Variants in HDAC9 observed in about 807,000 individuals in gnomAD.
HDAC9 encodes MEF-2 interacting transcription repressor (MITR) protein.
A neutral mutation model predicts 139.4 loss-of-function variants in HDAC9; 41 were observed. The observed-to-expected ratio is 0.29, with a 90% CI of 0.23 to 0.38. The LOEUF (loss-of-function observed/expected upper bound fraction) is 0.38. Among genes scored for constraint, HDAC9 ranks in the 10% least tolerant of loss-of-function variants. The pLI, the probability that HDAC9 is intolerant of heterozygous loss-of-function variation, is 1.00. For missense variants in HDAC9, 1,147 were observed against 1,297.0 expected, an observed-to-expected ratio of 0.88 and a Z score of 1.78; for synonymous variants, 517 against 476.2, an observed-to-expected ratio of 1.09 and a Z score of -1.12.
At chr7:18,245,024 T>TCTATCTATC (rs201667335) in intron 2 of HDAC9, among the ~76,000 whole-genome samples, 1 of 151,968 alleles carries the variant, frequency 6.6e-6, no homozygotes, top group East Asian at 1.9e-4. Context: ...TATCTATCTA[T>TCTATCTATC]TGATGCATTC....
intron 1 of HDAC9, among the ~76,000 whole-genome samples, chr7:18,129,125 C>T (rs1158093524): frequency 6.6e-6 from 1 of 152,120 alleles, no homozygotes; most frequent in Non-Finnish European, 1.5e-5. Context: ...GTGTCTTCCT[C>T]TTACCTACTA....
intron 25 of HDAC9, 124 bp downstream of exon 25, chr7:18,976,077 A>G (rs1784530501): frequency 1.1e-6 from 1 of 904,512 alleles, no homozygotes; most frequent in African/African-American, 1.7e-5. Flanking sequence ...TGTCCTCTCC[A>G]AAGCCACAGA....
intron 14 of HDAC9, among the ~76,000 whole-genome samples, chr7:18,757,317 A>G (rs1788964630): frequency 6.6e-6 from 1 of 152,178 alleles, no homozygotes; most frequent in African/African-American, 2.4e-5. Context: ...GGGATATTTC[A>G]GTGGAAATTC....
intron 1 of HDAC9, among the ~76,000 whole-genome samples, chr7:18,304,837 A>T (rs1798805428): frequency 6.6e-6 from 1 of 152,158 alleles, no homozygotes; most frequent in Non-Finnish European, 1.5e-5. Context: ...GATCAGAAGG[A>T]TAGAACCCTC....
intron 1 of HDAC9, among the ~76,000 whole-genome samples, chr7:18,382,594 A>G (rs1455611911): frequency 1.3e-5 from 2 of 152,362 alleles, no homozygotes; most frequent in East Asian, 3.9e-4. Context: ...GTAGAGAAAG[A>G]CAATAAGGAA....
chr7:18,802,062 TTATTTTATTTGGGGGGAGGTCATA>T (rs1793344742), intron 17 of HDAC9, among the ~76,000 whole-genome samples: 1 of 151,750 alleles, frequency 6.6e-6, no homozygotes, highest in Non-Finnish European at 1.5e-5. Context: ...TTTTTATTAT[TTATTTTATTTGGGGGGAGGTCATA>T]TATTTCTTTT....
chr7:18,527,478 C>T (rs550733007), intron 2 of HDAC9, among the ~76,000 whole-genome samples: 2 of 152,064 alleles, frequency 1.3e-5, no homozygotes, highest in African/African-American at 2.4e-5. Flanking sequence ...AGTCACTGAA[C>T]GATATGTTGT....
At position 18,421,790 on chromosome 7, in the gene HDAC9, A is replaced by G. The variant is rs570843861; in HGVS notation, c.-41-74472A>G. 1.4e-4 allele frequency among the ~76,000 whole-genome samples: 21 copies of G among 152,314 alleles called. No homozygotes were observed. In the South Asian group the frequency reaches 4.1e-3, roughly 30 times the overall value. ...ACGTGATTAGACTCAGGGTGAATGC[A>G]CAAGATTAATGAGAGCCCTGAGTGA... On this transcript the variant is annotated intron_variant, in intron 1 of 3. Transcript: ENST00000413509.
chr7:18,884,407 A>G lies in HDAC9; in HGVS notation c.2803+9811A>G, dbSNP rs913518161. 7.9e-5 allele frequency among the ~76,000 whole-genome samples: 12 copies of G among 152,332 alleles called. No homozygotes were observed. In the East Asian group the frequency reaches 1.4e-3, roughly 17 times the overall value. ...GAAATAAATCCATACACCATGGTCA[A>G]TTGATCTTTGACAACGATGGCGAGA... On this transcript the variant is annotated intron_variant, in intron 22 of 25. Transcript: ENST00000686413.
chr7:18,295,305 C>T (rs572436135), intron 1 of HDAC9, among the ~76,000 whole-genome samples: 2 of 152,094 alleles, frequency 1.3e-5, no homozygotes, highest in African/African-American at 4.8e-5. Context: ...ATAGCATATT[C>T]AGGAGAAAGG....
chr7:18,626,666 C>T (rs900395500), intron 6 of HDAC9, among the ~76,000 whole-genome samples: 2 of 152,114 alleles, frequency 1.3e-5, no homozygotes, highest in African/African-American at 4.8e-5. Context: ...AGTTCTCATT[C>T]CTCTTCTGGT....
intron 1 of HDAC9, among the ~76,000 whole-genome samples, chr7:18,450,165 T>TA (rs2128101301): frequency 6.6e-6 from 1 of 152,322 alleles, no homozygotes; most frequent in African/African-American, 2.4e-5. Context: ...TGGAATGAAT[T>TA]AATGTTTTTG....
At chr7:18,668,708 TCTA>T in intron 12 of HDAC9, 1 of 972,768 alleles carries the variant, frequency 1.0e-6, no homozygotes, top group Non-Finnish European at 1.2e-6. Context: ...TCTTTTAAAA[TCTA>T]CTGTATTTAT....
At chr7:18,990,085 CAT>C (rs1785746671) in intron 25 of HDAC9, among the ~76,000 whole-genome samples, 2 of 152,128 alleles carry the variant, frequency 1.3e-5, no homozygotes, top group African/African-American at 2.4e-5. Flanking sequence ...AGCTTTGTTC[CAT>C]TGCTGGTGAG....
intron 8 of HDAC9, among the ~76,000 whole-genome samples, chr7:18,643,444 G>T (rs556267248): frequency 1.3e-5 from 2 of 152,164 alleles, no homozygotes; most frequent in Non-Finnish European, 2.9e-5. Context: ...GTTCCAAGTT[G>T]CAATGAGAAA....
At chr7:18,883,235 T>G (rs578019365) in intron 22 of HDAC9, among the ~76,000 whole-genome samples, 2 of 152,216 alleles carry the variant, frequency 1.3e-5, no homozygotes, top group African/African-American at 4.8e-5. Flanking sequence ...ACAATTTTAG[T>G]TAACTGACAG....
intron 24 of HDAC9, among the ~76,000 whole-genome samples, chr7:18,954,922 A>G (rs1783045802): frequency 6.6e-6 from 1 of 152,084 alleles, no homozygotes; most frequent in African/African-American, 2.4e-5. Flanking sequence ...TCTTTGGGTC[A>G]TTGCCTTTGC....
intron 17 of HDAC9, among the ~76,000 whole-genome samples, chr7:18,826,778 A>G (rs1343478243): frequency 1.3e-5 from 2 of 151,792 alleles, no homozygotes; most frequent in East Asian, 3.9e-4. Context: ...GCTTTCTAAA[A>G]TCCTTTCTTC....
At chr7:18,590,079 C>T (rs1437984321) in intron 3 of HDAC9, among the ~76,000 whole-genome samples, 2 of 152,102 alleles carry the variant, frequency 1.3e-5, no homozygotes, top group African/African-American at 2.4e-5. Context: ...AATGGGAAGA[C>T]CTGAGTGAAT....
Sources: allele counts gnomAD v4.1 joint callset (sites outside exome capture counted in the v4.1 genomes callset), GRCh38; gene constraint gnomAD v4.1.1; transcripts MANE v1.5; gene names NCBI Gene and HGNC (gene_info 2026-07-23, HGNC 2026-07-21).